UNC79: variants seen among roughly 807,000 people sequenced by gnomAD.
The protein encoded by UNC79 is unc-79 subunit of NALCN channel complex.
In UNC79, 37 loss-of-function variants were observed where a neutral mutation model predicts 283.1. The ratio of observed to expected loss-of-function variants is 0.13; its 90% CI spans 0.10 to 0.17. UNC79 has a LOEUF of 0.17. Among genes scored for constraint, UNC79 ranks in the 10% least tolerant of loss-of-function variants. The probability of loss-of-function intolerance (pLI) is 1.00; values close to 1 mark genes in which losing one functional copy is unlikely to be tolerated. For missense variants in UNC79, 2,272 were observed against 3,211.1 expected, an observed-to-expected ratio of 0.71 and a Z score of 7.07; for synonymous variants, 1,107 against 1,200.2, an observed-to-expected ratio of 0.92 and a Z score of 1.61.
intron 1 of UNC79, chr14:93,347,906 G>T: frequency 1.7e-6 from 1 of 589,690 alleles, no homozygotes; most frequent in Non-Finnish European, 3.1e-6. Context: ...ATTTCACTAG[G>T]CGCCTGTTTC....
intron 1 of UNC79, among the ~76,000 whole-genome samples, chr14:93,343,806 T>G (rs995336802): frequency 6.6e-6 from 1 of 152,212 alleles, no homozygotes; most frequent in Non-Finnish European, 1.5e-5. Context: ...AAACCTGATC[T>G]CTAGGTTATA....
chr14:93,364,390 T>C (rs1043528059), intron 1 of UNC79, among the ~76,000 whole-genome samples: 1 of 152,064 alleles, frequency 6.6e-6, no homozygotes, highest in African/African-American at 2.4e-5. Flanking sequence ...ATGTTATATA[T>C]GTGAGATTTA....
At chr14:93,519,996 C>T (rs944611554) in intron 7 of UNC79, among the ~76,000 whole-genome samples, 4 of 152,054 alleles carry the variant, frequency 2.6e-5, no homozygotes, top group African/African-American at 9.6e-5. Flanking sequence ...ATGTCCAACA[C>T]TCTTTATGCC....
chr14:93,429,986 G>A (rs146325650), upstream of UNC79, among the ~76,000 whole-genome samples: 22 of 152,246 alleles, frequency 1.4e-4, no homozygotes, highest in African/African-American at 4.8e-4. Flanking sequence ...GGTTCTTCCC[G>A]ACTCCAAGTG....
chr14:93,624,069 T>C (rs1195967982), intron 30 of UNC79, among the ~76,000 whole-genome samples: 6 of 152,272 alleles, frequency 3.9e-5, no homozygotes, highest in Non-Finnish European at 8.8e-5. Context: ...GAGGAGGGGA[T>C]GCACCAGGTC....
intron 14 of UNC79, among the ~76,000 whole-genome samples, chr14:93,546,088 G>A (rs1241208834): frequency 6.6e-6 from 1 of 152,170 alleles, no homozygotes; most frequent in Non-Finnish European, 1.5e-5. Flanking sequence ...ATCTCAAAAG[G>A]CCAATCTTAG....
At chr14:93,480,280 A>G (rs1221122667) in intron 4 of UNC79, among the ~76,000 whole-genome samples, 1 of 152,240 alleles carries the variant, frequency 6.6e-6, no homozygotes, top group Non-Finnish European at 1.5e-5. Context: ...GGTATGAACA[A>G]GTCACTTCAT....
At chr14:93,509,389 T>C (rs1385134721) in intron 7 of UNC79, among the ~76,000 whole-genome samples, 1 of 152,160 alleles carries the variant, frequency 6.6e-6, no homozygotes, top group Non-Finnish European at 1.5e-5. Context: ...CTTAACTCAT[T>C]GCAGCATTAA....
intron 1 of UNC79, among the ~76,000 whole-genome samples, chr14:93,420,354 A>G (rs114742327): frequency 0.014 from 2,062 of 151,866 alleles, 60 homozygotes; most frequent in African/African-American, 0.048. Flanking sequence ...GACAAAAACT[A>G]TAAGAGACAA....
intron 20 of UNC79, among the ~76,000 whole-genome samples, chr14:93,585,940 G>C (rs1415169110): frequency 6.8e-6 from 1 of 147,088 alleles, no homozygotes; most frequent in African/African-American, 2.5e-5. Context: ...GGAGTACAGT[G>C]GCTCAATATC....
chr14:93,561,827 C>T (rs2062574552), intron 14 of UNC79, among the ~76,000 whole-genome samples: 1 of 152,096 alleles, frequency 6.6e-6, no homozygotes, highest in Admixed American at 6.5e-5. Flanking sequence ...ACAGTGTAAA[C>T]TGGCAGTATA....
rs769504197 is a variant in UNC79, at chr14:93,704,697, C to T, written c.7590+31C>T. On this transcript the variant is annotated intron_variant, in intron 48 of 48. Coordinates refer to ENST00000555664, the Ensembl canonical transcript of UNC79. ...TCACTCCCTGGGCTGATTGGAAGCT[C>T]GGTTTCCTGCAGAGAACGTATAACG... 1.4e-5 allele frequency: 22 copies of T among 1,612,200 alleles called. No individual in the cohort carries two copies. In the East Asian group the frequency reaches 1.6e-4, roughly 11 times the overall value.
At chr14:93,416,769 T>A (rs1010576829) in intron 1 of UNC79, among the ~76,000 whole-genome samples, 3 of 152,294 alleles carry the variant, frequency 2.0e-5, no homozygotes, top group African/African-American at 7.2e-5. Context: ...CCTTTACCAT[T>A]ATGTAATGGC....
intron 19 of UNC79, among the ~76,000 whole-genome samples, chr14:93,580,910 T>C (rs868547502): frequency 6.6e-6 from 1 of 152,024 alleles, no homozygotes; most frequent in African/African-American, 2.4e-5. Flanking sequence ...GGTTTTGCCA[T>C]GTTGCCCAGG....
chr14:93,519,314 A>C (rs1409571406), intron 7 of UNC79, among the ~76,000 whole-genome samples: 1 of 151,886 alleles, frequency 6.6e-6, no homozygotes, highest in Non-Finnish European at 1.5e-5. Flanking sequence ...AAGCTTTCTT[A>C]TAATTTCAAT....
chr14:93,623,908 T>A (rs2067337522), intron 30 of UNC79, among the ~76,000 whole-genome samples: 1 of 151,974 alleles, frequency 6.6e-6, no homozygotes, highest in South Asian at 2.1e-4. Flanking sequence ...TAAAATAAAA[T>A]AAAAAAGTTA....
chr14:93,344,709 TC>T (rs1468984747), intron 1 of UNC79, among the ~76,000 whole-genome samples: 1 of 152,244 alleles, frequency 6.6e-6, no homozygotes, highest in East Asian at 1.9e-4. Flanking sequence ...CTTACAGGAC[TC>T]GTGTAAATCA....
At chr14:93,636,035 G>T (rs1268034944) in intron 31 of UNC79, among the ~76,000 whole-genome samples, 1 of 152,214 alleles carries the variant, frequency 6.6e-6, no homozygotes, top group Non-Finnish European at 1.5e-5. Flanking sequence ...GTTTTCTGCA[G>T]CAGGTAGCTC....
At chr14:93,489,629 C>T (rs1298342890) in intron 5 of UNC79, among the ~76,000 whole-genome samples, 1 of 152,240 alleles carries the variant, frequency 6.6e-6, no homozygotes, top group African/African-American at 2.4e-5. Context: ...TGACTTGATG[C>T]TCCACCTTCC....
Sources: allele counts gnomAD v4.1 joint callset (sites outside exome capture counted in the v4.1 genomes callset), GRCh38; gene constraint gnomAD v4.1.1; transcripts MANE v1.5; gene names NCBI Gene and HGNC (gene_info 2026-07-23, HGNC 2026-07-21).